The following DLG2 variants were observed in gnomAD, a reference collection of about 807,000 sequenced individuals.
The protein encoded by DLG2 is disks large homolog 2.
A neutral mutation model predicts 132.5 loss-of-function variants in DLG2; 45 were observed. The observed-to-expected ratio is 0.34, with a 90% CI of 0.27 to 0.44. DLG2 has a LOEUF of 0.44. Ranked by LOEUF, DLG2 falls within the 20% of genes least tolerant of loss-of-function variation. The pLI, the probability that DLG2 is intolerant of heterozygous loss-of-function variation, is 1.00. For missense variants in DLG2, 1,045 were observed against 1,196.9 expected (o/e 0.87, Z 1.87); for synonymous variants, 424 against 419.6 (o/e 1.01, Z -0.13).
chr11:83,861,003 C>A (rs553905768), intron 16 of DLG2, among the ~76,000 whole-genome samples: 4 of 152,114 alleles, frequency 2.6e-5, no homozygotes, highest in Non-Finnish European at 5.9e-5. Flanking sequence ...CCTTCCCACC[C>A]GTTAAACCTC....
At chr11:83,861,571 C>T (rs998495837) in intron 16 of DLG2, among the ~76,000 whole-genome samples, 1 of 152,100 alleles carries the variant, frequency 6.6e-6, no homozygotes, top group Non-Finnish European at 1.5e-5. Context: ...TTTTCAACAA[C>T]ATGGATAAAA....
At chr11:84,033,764 C>T (rs113554040) in intron 11 of DLG2, among the ~76,000 whole-genome samples, 5 of 152,244 alleles carry the variant, frequency 3.3e-5, no homozygotes, top group Non-Finnish European at 4.4e-5. Context: ...CCGGGCCGGG[C>T]GCGGTGGCTC....
At chr11:83,640,969 C>A (rs958115109) in intron 18 of DLG2, among the ~76,000 whole-genome samples, 5 of 152,106 alleles carry the variant, frequency 3.3e-5, no homozygotes, top group African/African-American at 1.2e-4. Flanking sequence ...AAGAAAATAC[C>A]ATACCCACTC....
intron 6 of DLG2, among the ~76,000 whole-genome samples, chr11:84,582,638 A>C (rs1384621081): frequency 6.6e-6 from 1 of 151,824 alleles, no homozygotes; most frequent in Non-Finnish European, 1.5e-5. Flanking sequence ...TATAGACATA[A>C]AATTGTGTAT....
At chr11:84,750,915 G>A (rs186338924) in intron 6 of DLG2, among the ~76,000 whole-genome samples, 12 of 152,238 alleles carry the variant, frequency 7.9e-5, no homozygotes, top group Non-Finnish European at 8.8e-5. Flanking sequence ...GTGGTTTCTG[G>A]ATGGGATAAT....
intron 19 of DLG2, among the ~76,000 whole-genome samples, chr11:83,561,281 C>A (rs965682439): frequency 2.0e-5 from 3 of 152,180 alleles, no homozygotes; most frequent in Admixed American, 2.0e-4. Context: ...CTGCATCTGA[C>A]ACCATATATG....
intron 6 of DLG2, among the ~76,000 whole-genome samples, chr11:84,727,018 T>A (rs1489396513): frequency 6.6e-6 from 1 of 152,232 alleles, no homozygotes; most frequent in South Asian, 2.1e-4. Context: ...ATGGATAGAT[T>A]GCAAAAATTT....
chr11:84,067,432 G>T (rs1431057200), intron 10 of DLG2, among the ~76,000 whole-genome samples: 1 of 152,050 alleles, frequency 6.6e-6, no homozygotes, highest in Non-Finnish European at 1.5e-5. Context: ...GTTATGAAAA[G>T]GGTCTTGTTT....
intron 6 of DLG2, among the ~76,000 whole-genome samples, chr11:84,717,206 G>A (rs1170422974): frequency 6.6e-6 from 1 of 151,948 alleles, no homozygotes; most frequent in Non-Finnish European, 1.5e-5. Context: ...TAACTTTCAG[G>A]AAAGGAAATA....
At chr11:84,002,428 C>A (rs996621677) in intron 11 of DLG2, among the ~76,000 whole-genome samples, 1 of 152,164 alleles carries the variant, frequency 6.6e-6, no homozygotes, top group Non-Finnish European at 1.5e-5. Flanking sequence ...CATGAGGGCT[C>A]CTCTCCCACA....
At chr11:85,186,455 G>A (rs2080107896) in intron 4 of DLG2, among the ~76,000 whole-genome samples, 1 of 152,014 alleles carries the variant, frequency 6.6e-6, no homozygotes, top group East Asian at 1.9e-4. Flanking sequence ...ACTCATGCCT[G>A]ATAAGTAGAT....
intron 17 of DLG2, among the ~76,000 whole-genome samples, chr11:83,802,651 T>G (rs750246416): frequency 2.6e-5 from 4 of 152,188 alleles, no homozygotes; most frequent in African/African-American, 4.8e-5. Context: ...TAATGAACTA[T>G]TCATATAATG....
At chr11:84,004,051 T>C (rs952510488) in intron 11 of DLG2, among the ~76,000 whole-genome samples, 7 of 151,888 alleles carry the variant, frequency 4.6e-5, no homozygotes, top group African/African-American at 1.2e-4. Context: ...AACAACTCCA[T>C]AAAAATTGAA....
At chr11:83,711,812 A>ATAATCATTT (rs2085491597) in intron 18 of DLG2, among the ~76,000 whole-genome samples, 1 of 148,214 alleles carries the variant, frequency 6.7e-6, no homozygotes, top group African/African-American at 2.6e-5. Flanking sequence ...AGGTCACCTG[A>ATAATCATTT]GAGCTTGCTA....
At chr11:83,677,046 T>G (rs2077843831) in intron 18 of DLG2, among the ~76,000 whole-genome samples, 1 of 152,174 alleles carries the variant, frequency 6.6e-6, no homozygotes, top group Non-Finnish European at 1.5e-5. Context: ...TTTTTGATAT[T>G]TGGCTTGACT....
intron 18 of DLG2, among the ~76,000 whole-genome samples, chr11:83,697,516 G>C (rs977037265): frequency 5.3e-5 from 8 of 152,142 alleles, no homozygotes; most frequent in Non-Finnish European, 1.5e-5. Context: ...AGTTCTTTAA[G>C]CCAGAGTAAG....
intron 3 of DLG2, among the ~76,000 whole-genome samples, chr11:85,578,577 G>A (rs1329784368): frequency 6.6e-6 from 1 of 152,234 alleles, no homozygotes; most frequent in South Asian, 2.1e-4. Flanking sequence ...CAAAGGACAT[G>A]AACAGGCACC....
At chr11:85,510,716 G>T (rs535300948) in intron 3 of DLG2, among the ~76,000 whole-genome samples, 62 of 151,538 alleles carry the variant, frequency 4.1e-4, no homozygotes, top group Middle Eastern at 6.8e-3. Context: ...AAAAAGTCAG[G>T]AAACAATAGG....
chr11:84,080,969 A>C (rs1216499969), intron 10 of DLG2, among the ~76,000 whole-genome samples: 1 of 148,834 alleles, frequency 6.7e-6, no homozygotes, highest in Non-Finnish European at 1.5e-5. Context: ...TCCAACCTGC[A>C]CGACAAGAGC....
Sources: gnomAD v4.1 joint callset for allele counts (sites outside exome capture counted in the v4.1 genomes callset) on GRCh38, gnomAD v4.1.1 for gene constraint, MANE v1.5 for transcripts, NCBI Gene and HGNC (gene_info 2026-07-23, HGNC 2026-07-21) for gene names.